WLS: variants seen among roughly 807,000 people sequenced by gnomAD.
The protein encoded by WLS is Wnt ligand secretion mediator.
Under a neutral mutation model 62.8 loss-of-function variants are expected in WLS, and 23 were observed. That is an observed-to-expected ratio of 0.37 (90% CI 0.26 to 0.52). The LOEUF is 0.52. Ranked by LOEUF, WLS falls within the 20% of genes least tolerant of loss-of-function variation. The probability of loss-of-function intolerance (pLI) is 0.92; values close to 1 mark genes in which losing one functional copy is unlikely to be tolerated. For synonymous variants in WLS, 246 were observed against 244.1 expected (o/e 1.01, Z -0.07); for missense variants, 615 against 697.3 (o/e 0.88, Z 1.33).
intron 1 of WLS, among the ~76,000 whole-genome samples, chr1:68,197,127 C>T (rs190976017): frequency 6.6e-6 from 1 of 152,184 alleles, no homozygotes; most frequent in Admixed American, 6.5e-5. Flanking sequence ...TCTCACTTCT[C>T]AGGCCAAAAC....
chr1:68,167,458 T>C (rs1354373656), intron 2 of WLS, among the ~76,000 whole-genome samples: 1 of 152,182 alleles, frequency 6.6e-6, no homozygotes, highest in African/African-American at 2.4e-5. Context: ...ACTCCTGGGA[T>C]ACTGTGTGGG....
intron 2 of WLS, among the ~76,000 whole-genome samples, chr1:68,178,267 A>C (rs1361023482): frequency 6.6e-5 from 10 of 152,070 alleles, no homozygotes; most frequent in Admixed American, 1.3e-4. Flanking sequence ...CACTGAACAC[A>C]CTGGTGTAAT....
chr1:68,124,291 CT>C (rs1463940634), downstream of WLS, among the ~76,000 whole-genome samples: 1 of 152,134 alleles, frequency 6.6e-6, no homozygotes. Context: ...GAGGCTAAGT[CT>C]TGTAACTCTT....
At chr1:68,098,590 A>C (rs1341275313) in exon 12 of WLS, 1 of 1,607,420 alleles carries the variant, frequency 6.2e-7, no homozygotes, top group Admixed American at 1.7e-5. Flanking sequence ...GACTGTGACA[A>C]CTGCAAATGC....
intron 1 of WLS, among the ~76,000 whole-genome samples, chr1:68,222,230 T>C (rs1486118131): frequency 6.6e-6 from 1 of 152,170 alleles, no homozygotes; most frequent in Admixed American, 6.5e-5. Flanking sequence ...GTGTGTTTTT[T>C]AGAGTTTTAA....
Position 68,125,940 on chromosome 1 carries a change from C to T in WLS, c.*286G>A. The T allele has an allele frequency of 1.7e-6, 2 of 1,153,614 alleles. No homozygotes were observed. The highest frequency in any genetic ancestry group is 2.1e-6 in the Non-Finnish European group (2 of 935,470). The allele number at this position is 1,153,614 out of a possible 1,614,324, so 71.5% of individuals were successfully genotyped here. A position where few individuals can be genotyped will look rare whatever the true frequency, so the allele number is the denominator to read the frequency against. On this transcript the variant is annotated 3_prime_UTR_variant, in exon 12 of 12. Transcript: ENST00000262348. ...CCACCCCCACATGAGGTTTACTAAC[C>T]AGCTGCTACAGATGTTACTATGTCA... is the stretch of plus-strand genomic sequence containing the variant.
At position 68,130,425 on chromosome 1, in the gene WLS, A is replaced by T. The variant is rs569514048; in HGVS notation, c.1517-4090T>A. Among the ~76,000 whole-genome samples the T allele has an allele frequency of 2.2e-4, 34 of 152,318 alleles. 1 individual carries two copies. In the South Asian group the frequency reaches 6.2e-3, roughly 28 times the overall value. Reference sequence around the variant, plus strand: ...CAAGGTCATACACAATGTGTGCCGGAGCCAAGATTCCAAACCATCTGTGTC... The same window carrying T: ...CAAGGTCATACACAATGTGTGCCGGTGCCAAGATTCCAAACCATCTGTGTC... On this transcript the variant is annotated intron_variant, in intron 11 of 11. Transcript: ENST00000262348.
intron 1 of WLS, among the ~76,000 whole-genome samples, chr1:68,227,046 G>A (rs1557531780): frequency 6.6e-6 from 1 of 152,150 alleles, no homozygotes; most frequent in Non-Finnish European, 1.5e-5. Flanking sequence ...ACTGTAACAG[G>A]AAAAGGGAAA....
intron 2 of WLS, chr1:68,161,743 G>T (rs150861303): frequency 1.2e-5 from 19 of 1,567,820 alleles, no homozygotes; most frequent in Non-Finnish European, 1.7e-5. Flanking sequence ...ATTACCTTCC[G>T]GCATTCTCTG....
intron 2 of WLS, among the ~76,000 whole-genome samples, chr1:68,192,048 T>C (rs1031234588): frequency 6.6e-6 from 1 of 152,306 alleles, no homozygotes; most frequent in East Asian, 1.9e-4. Flanking sequence ...GTTATTTGCC[T>C]GTCATTTCCA....
chr1:68,171,755 C>A (rs575959833), intron 2 of WLS, among the ~76,000 whole-genome samples: 2 of 152,136 alleles, frequency 1.3e-5, no homozygotes, highest in Non-Finnish European at 2.9e-5. Context: ...GACAGTGTGG[C>A]GATTCCTCAA....
Position 68,116,256 on chromosome 1 carries a change from G to A in WLS, c.1511-17503C>T, listed in dbSNP as rs1229418846. 2.6e-5 allele frequency among the ~76,000 whole-genome samples: 4 copies of A among 152,174 alleles called. No homozygotes were observed. In the East Asian group the frequency reaches 7.7e-4, roughly 29 times the overall value. ...ATCAGGGAGGGAGGAAGAGGACAGG[G>A]ACAACAATCAGCAGGGCCCGTGTAA... On this transcript the variant is annotated intron_variant, in intron 11 of 11. Coordinates refer to the WLS transcript ENST00000354777.
At chr1:68,199,760 T>C (rs1648898731) in intron 1 of WLS, among the ~76,000 whole-genome samples, 1 of 152,150 alleles carries the variant, frequency 6.6e-6, no homozygotes, top group South Asian at 2.1e-4. Flanking sequence ...AACTTTTATT[T>C]GGCAGGAATG....
chr1:68,110,060 G>T (rs1304262130), intron 11 of WLS, among the ~76,000 whole-genome samples: 3 of 132,054 alleles, frequency 2.3e-5, no homozygotes, highest in Non-Finnish European at 3.3e-5. Flanking sequence ...TAAATTAGTA[G>T]GAATTAAAGA....
intron 11 of WLS, chr1:68,117,427 A>C (rs1015237903): frequency 6.6e-6 from 1 of 152,248 alleles, no homozygotes; most frequent in African/African-American, 2.4e-5. Flanking sequence ...CAGCCTCATC[A>C]CACATGTTCT....
chr1:68,148,841 G>T lies in WLS; in HGVS notation c.973-181C>A, dbSNP rs995189835. The stretch of plus-strand genomic sequence containing the variant: ...CTTCTTCAGGAGCTCATCTCTGTGG[G>T]GGAGTCTGGCACATACGTAGAACAT... On this transcript the variant is annotated intron_variant, in intron 6 of 11. Transcript: ENST00000262348. Among the ~76,000 whole-genome samples, 8 of 152,096 alleles carry T rather than the reference G, an allele frequency of 5.3e-5. No individual in the cohort carries two copies. The South Asian group carries it at 1.0e-3, about 20-fold the overall frequency.
chr1:68,148,485 C>A, intron 7 of WLS, 78 bp downstream of exon 7: 1 of 1,472,212 alleles, frequency 6.8e-7, no homozygotes, highest in African/African-American at 1.4e-5. Context: ...TTCTCCTTTT[C>A]AAACACTCCT....
chr1:68,105,160 A>G (rs1188803889), intron 11 of WLS, among the ~76,000 whole-genome samples: 1 of 152,214 alleles, frequency 6.6e-6, no homozygotes, highest in African/African-American at 2.4e-5. Flanking sequence ...AAGTTGGAGG[A>G]AAGCCAGGAG....
chr1:68,214,094 T>A (rs1649631691), intron 1 of WLS, among the ~76,000 whole-genome samples: 1 of 152,036 alleles, frequency 6.6e-6, no homozygotes, highest in Non-Finnish European at 1.5e-5. Context: ...TGCAATGAGC[T>A]TTGCTTCAAA....
Sources: gnomAD v4.1 joint callset for allele counts (sites outside exome capture counted in the v4.1 genomes callset) on GRCh38, gnomAD v4.1.1 for gene constraint, MANE v1.5 for transcripts, NCBI Gene and HGNC (gene_info 2026-07-23, HGNC 2026-07-21) for gene names.